Variants in ZFR observed in about 807,000 individuals in gnomAD.
The protein encoded by ZFR is zinc finger RNA binding protein.
Under a neutral mutation model 130.7 loss-of-function variants are expected in ZFR, and 19 were observed. The ratio of observed to expected loss-of-function variants is 0.15; its 90% CI spans 0.10 to 0.21. The LOEUF is 0.21. Ranked by LOEUF, ZFR falls within the 10% of genes least tolerant of loss-of-function variation. The pLI is 1.00. For synonymous variants in ZFR, 466 were observed against 456.9 expected, an observed-to-expected ratio of 1.02 and a Z score of -0.25; for missense variants, 872 against 1,321.5, an observed-to-expected ratio of 0.66 and a Z score of 5.27.
At chr5:32,415,266 A>C (rs1366499537) in intron 4 of ZFR, 79 bp from the exon 5 acceptor site, 1 of 1,279,076 alleles carries the variant, frequency 7.8e-7, no homozygotes, top group African/African-American at 1.5e-5. Flanking sequence ...AAAAAGCTGG[A>C]AAGAATAGGT....
intron 15 of ZFR, chr5:32,383,649 C>T (rs1752980126): frequency 2.7e-6 from 1 of 370,766 alleles, no homozygotes; most frequent in East Asian, 7.4e-5. Context: ...TACAATTGTT[C>T]TTCCGGCAAA....
At chr5:32,379,562 G>A (rs1191361461) in intron 16 of ZFR, 2 of 262,610 alleles carry the variant, frequency 7.6e-6, no homozygotes, top group African/African-American at 4.6e-5. Context: ...TCTAGGGACT[G>A]AAAGGTTAAG....
intron 4 of ZFR, 64 bp downstream of exon 4, chr5:32,417,584 T>C: frequency 6.3e-7 from 1 of 1,591,606 alleles, no homozygotes; most frequent in Non-Finnish European, 8.5e-7. Flanking sequence ...TTATCTTCAT[T>C]AAACGCAGTA....
chr5:32,441,061 C>A (rs1754462184), intron 2 of ZFR, among the ~76,000 whole-genome samples: 1 of 152,268 alleles, frequency 6.6e-6, no homozygotes, highest in Admixed American at 6.5e-5. Context: ...GCAACCTCCA[C>A]CTCCCCGGTT....
intron 2 of ZFR, among the ~76,000 whole-genome samples, chr5:32,430,572 T>A (rs1234795529): frequency 6.6e-6 from 1 of 151,980 alleles, no homozygotes; most frequent in Non-Finnish European, 1.5e-5. Context: ...CTAAAATTAA[T>A]GAAAGATAAC....
At chr5:32,435,459 C>A (rs13163360) in intron 2 of ZFR, among the ~76,000 whole-genome samples, 21,095 of 152,120 alleles carry the variant, frequency 0.14, 1,721 homozygotes, top group African/African-American at 0.22. Context: ...ACCAGATATT[C>A]TGATAGTAAC....
rs375763381 is a variant in ZFR, at chr5:32,444,691, C to T, written c.-33G>A. On this transcript the variant is annotated 5_prime_UTR_variant, in exon 1 of 20. Coordinates refer to ENST00000265069, the MANE Select transcript of ZFR (RefSeq NM_016107.5). ...GGCTGCTGCTGCTGAACTCTGAACT[C>T]TCACCCGCTGCCTCCCTCCTCTGCC... 8 of 1,503,786 alleles carry T rather than the reference C, an allele frequency of 5.3e-6. No individual in the cohort carries two copies. In the Middle Eastern group the frequency reaches 5.1e-4, roughly 96 times the overall value. The allele number at this position is 1,503,786 out of a possible 1,614,324, so 93.2% of individuals were successfully genotyped here.
chr5:32,400,260 T>C, intron 8 of ZFR, 57 bp from the exon 9 acceptor site: 2 of 1,265,432 alleles, frequency 1.6e-6, no homozygotes, highest in South Asian at 4.2e-5. Flanking sequence ...TATATATACC[T>C]GATAAGACGA....
rs201568689 is a variant in ZFR at position 32,404,003 on chromosome 5, C to T, written c.1127G>A (p.Arg376His). ...ACAACGTAGCTGATTTTGAGTCCCA[C>T]GAGTAGAACTGTTGCTGCTGCTGGT... is the stretch of plus-strand genomic sequence containing the variant. ...QNTSSSNSST[R>H]GTQNQLRCEL... Residue 376 changes from arginine to histidine, a missense_variant, in exon 7 of 20, where the codon CGT becomes CAT. Physicochemically the swap from Arg to His is conservative, Grantham distance 29. Around this residue, in one of 7 missense-constraint regions of ZFR, gnomAD observed 31 missense variants for 21.8 expected, o/e 1.42. Transcript: ENST00000265069. 5.0e-6 allele frequency: 8 copies of T among 1,614,082 alleles called. No individual in the cohort carries two copies. The highest frequency in any genetic ancestry group is 5.9e-6 in the Non-Finnish European group (7 of 1,179,968).
intron 11 of ZFR, among the ~76,000 whole-genome samples, chr5:32,391,371 C>G (rs969231166): frequency 1.3e-5 from 2 of 152,134 alleles, no homozygotes; most frequent in South Asian, 2.1e-4. Context: ...GGCTGTGTTG[C>G]TGAGGTCATC....
chr5:32,394,978 A>G (rs1753268278), intron 11 of ZFR, among the ~76,000 whole-genome samples, 181 bp downstream of exon 11: 1 of 152,204 alleles, frequency 6.6e-6, no homozygotes, highest in Non-Finnish European at 1.5e-5. Flanking sequence ...ACAGTAAAAT[A>G]TTAGTATAGC....
intron 2 of ZFR, among the ~76,000 whole-genome samples, chr5:32,434,090 G>C (rs1443180463): frequency 6.6e-6 from 1 of 152,204 alleles, no homozygotes; most frequent in Admixed American, 6.5e-5. Context: ...ACAAAAAGGT[G>C]AAAGAATTCT....
chr5:32,419,242 C>T (rs1207179219), intron 3 of ZFR, among the ~76,000 whole-genome samples: 1 of 152,048 alleles, frequency 6.6e-6, no homozygotes, highest in Non-Finnish European at 1.5e-5. Context: ...ATTTAACTAG[C>T]AATTAATGTG....
At chr5:32,428,713 C>T (rs1011435977) in intron 2 of ZFR, among the ~76,000 whole-genome samples, 5 of 152,212 alleles carry the variant, frequency 3.3e-5, no homozygotes, top group Non-Finnish European at 7.3e-5. Context: ...AAAAGCAGAG[C>T]GTCCCACCAG....
At chr5:32,401,805 C>A (rs1753453242) in intron 8 of ZFR, among the ~76,000 whole-genome samples, 1 of 152,056 alleles carries the variant, frequency 6.6e-6, no homozygotes, top group Non-Finnish European at 1.5e-5. Context: ...AAGGAAGAGA[C>A]TTTTAAGGCC....
intron 2 of ZFR, among the ~76,000 whole-genome samples, chr5:32,435,620 A>G (rs1754316043): frequency 6.6e-6 from 1 of 152,166 alleles, no homozygotes; most frequent in South Asian, 2.1e-4. Flanking sequence ...TCTCATCTAC[A>G]TGGTTATTGT....
intron 17 of ZFR, among the ~76,000 whole-genome samples, chr5:32,375,189 T>A (rs1424239408): frequency 6.6e-6 from 1 of 152,156 alleles, no homozygotes; most frequent in East Asian, 1.9e-4. Context: ...TATTAAAAGG[T>A]TGAAGGAGAA....
In ZFR at chr5:32,403,364, T is replaced by A; in HGVS notation, c.1258A>T (p.Ile420Phe). The change falls in exon 8 of 20, where the codon ATT (isoleucine) becomes TTT (phenylalanine). Residue 420 changes from isoleucine (I) to phenylalanine (F), a missense_variant. By Grantham distance (21) the Ile-to-Phe change is conservative (BLOSUM62 0). Transcript: ENST00000265069. Reference sequence around the variant, plus strand: ...ACAACATTTGGTTCTGTTGATGGAATGGGTTTACCAAGTTTTGTGTGTAAC... The same window carrying A: ...ACAACATTTGGTTCTGTTGATGGAAAGGGTTTACCAAGTTTTGTGTGTAAC... ...VKLHTKLGKP[I>F]PSTEPNVVSQ... 1 of 1,614,120 alleles carries A rather than the reference T, an allele frequency of 6.2e-7. No individual in the cohort carries two copies. Among genetic ancestry groups the A allele is most frequent in the East Asian group, 2.2e-5 (1 of 44,886 alleles).
At chr5:32,376,257 A>G (rs1011981570) in intron 17 of ZFR, among the ~76,000 whole-genome samples, 2 of 152,238 alleles carry the variant, frequency 1.3e-5, no homozygotes, top group Non-Finnish European at 2.9e-5. Context: ...TCACTACTGT[A>G]AATTAGAATA....
Sources: allele counts gnomAD v4.1 joint callset (sites outside exome capture counted in the v4.1 genomes callset), GRCh38; gene constraint gnomAD v4.1.1; regional missense constraint gnomAD v4.1.1; transcripts MANE v1.5; gene names NCBI Gene and HGNC (gene_info 2026-07-23, HGNC 2026-07-21).